Variants in SLC24A4 observed in about 807,000 individuals in gnomAD.
SLC24A4 encodes the protein solute carrier family 24 member 4.
Under a neutral mutation model 79.0 loss-of-function variants are expected in SLC24A4, and 53 were observed. The ratio of observed to expected loss-of-function variants is 0.67; its 90% CI spans 0.54 to 0.84. The LOEUF (loss-of-function observed/expected upper bound fraction) is 0.84. Ranked by LOEUF, SLC24A4 falls within the 40% of genes least tolerant of loss-of-function variation. The pLI is 0.00. For missense variants in SLC24A4, 731 were observed against 822.0 expected (o/e 0.89, Z 1.35); for synonymous variants, 323 against 323.8 (o/e 1.00, Z 0.03).
At chr14:92,341,850 G>A (rs1256305046) in intron 2 of SLC24A4, among the ~76,000 whole-genome samples, 1 of 152,216 alleles carries the variant, frequency 6.6e-6, no homozygotes, top group African/African-American at 2.4e-5. Flanking sequence ...TAATTTCTGA[G>A]TGATTCTTCT....
At chr14:92,350,366 A>G (rs1390150473) in intron 2 of SLC24A4, among the ~76,000 whole-genome samples, 8 of 152,224 alleles carry the variant, frequency 5.3e-5, no homozygotes, top group African/African-American at 1.9e-4. Flanking sequence ...ATTTCTGACT[A>G]CATTTGCAGG....
At position 92,446,169 on chromosome 14, in the gene SLC24A4, A is replaced by G. The variant is rs946872141; in HGVS notation, c.683+827A>G. The stretch of plus-strand genomic sequence containing the variant: ...TGCCAACGATTCAGAATCTGCGTGC[A>G]TTCTATGTTTTTTTTTTTTTGAGAC... On this transcript the variant is annotated intron_variant, in intron 8 of 16. Transcript: ENST00000532405. Among the ~76,000 whole-genome samples the G allele has an allele frequency of 2.5e-4, 23 of 92,840 alleles. 1 individual carries two copies. The highest frequency in any genetic ancestry group is 5.4e-3 in the Middle Eastern group (1 of 186). The allele number at this position is 92,840 out of a possible 152,430, so 60.9% of individuals were successfully genotyped here.
chr14:92,482,620 G>A (rs1895120450), intron 12 of SLC24A4, 60 bp from the exon 13 acceptor site: 9 of 1,465,776 alleles, frequency 6.1e-6, no homozygotes, highest in Non-Finnish European at 8.3e-6. Context: ...AGACTGGCAG[G>A]TGTGTTACCC....
chr14:92,347,834 G>A (rs1178180007), intron 2 of SLC24A4, among the ~76,000 whole-genome samples: 1 of 152,146 alleles, frequency 6.6e-6, no homozygotes. Context: ...GGCTGAGGCA[G>A]AGAATTGCTT....
chr14:92,447,993 AG>A (rs1892899033), intron 9 of SLC24A4, among the ~76,000 whole-genome samples: 1 of 152,210 alleles, frequency 6.6e-6, no homozygotes, highest in Non-Finnish European at 1.5e-5. Context: ...AGCCAGAAAA[AG>A]GAATAACGTT....
intron 2 of SLC24A4, among the ~76,000 whole-genome samples, chr14:92,369,902 G>A (rs1888056650): frequency 6.6e-6 from 1 of 152,264 alleles, no homozygotes; most frequent in Non-Finnish European, 1.5e-5. Context: ...CATTGGTACA[G>A]AGGAGAATAT....
intron 12 of SLC24A4, among the ~76,000 whole-genome samples, chr14:92,467,153 G>A (rs1298110135): frequency 2.3e-4 from 35 of 152,198 alleles, no homozygotes; most frequent in Admixed American, 2.2e-3. Flanking sequence ...GAGATTTTGG[G>A]TAGTTCATTA....
intron 2 of SLC24A4, among the ~76,000 whole-genome samples, chr14:92,418,484 A>G (rs141009011): frequency 9.3e-4 from 141 of 152,264 alleles, no homozygotes; most frequent in African/African-American, 3.2e-3. Flanking sequence ...TCCTGTATCT[A>G]TCCTATATGT....
At chr14:92,421,237 A>G (rs921059062) in intron 2 of SLC24A4, among the ~76,000 whole-genome samples, 6 of 152,212 alleles carry the variant, frequency 3.9e-5, no homozygotes, top group African/African-American at 9.7e-5. Flanking sequence ...AGAGTGTGTC[A>G]GACATTCAGT....
At chr14:92,484,175 C>A (rs55803007) in intron 13 of SLC24A4, 13,725 of 985,344 alleles carry the variant, frequency 0.014, 113 homozygotes, top group Middle Eastern at 0.016. Context: ...ATCACGCCTT[C>A]CCCCATCTCT....
intron 12 of SLC24A4, among the ~76,000 whole-genome samples, chr14:92,474,949 TG>T (rs1443776507): frequency 6.7e-6 from 1 of 149,400 alleles, no homozygotes; most frequent in Non-Finnish European, 1.5e-5. Flanking sequence ...CCACCCACCT[TG>T]GCCTCCCAAA....
At chr14:92,336,601 G>A (rs558846268) in intron 2 of SLC24A4, among the ~76,000 whole-genome samples, 30 of 152,296 alleles carry the variant, frequency 2.0e-4, no homozygotes, top group African/African-American at 5.3e-4. Flanking sequence ...CTTCTTAAAT[G>A]TCCACACACC....
At chr14:92,348,654 AT>A (rs929241621) in intron 2 of SLC24A4, among the ~76,000 whole-genome samples, 8 of 151,102 alleles carry the variant, frequency 5.3e-5, no homozygotes, top group African/African-American at 7.3e-5. Flanking sequence ...TTCTGGGATA[AT>A]TTTTTTTTTC....
chr14:92,346,095 C>T (rs1337796776), intron 2 of SLC24A4, among the ~76,000 whole-genome samples: 4 of 151,960 alleles, frequency 2.6e-5, no homozygotes, highest in Admixed American at 6.6e-5. Flanking sequence ...CAGGAAGCGC[C>T]GGGGCCCTGA....
chr14:92,344,037 G>T (rs1451698920), intron 2 of SLC24A4, among the ~76,000 whole-genome samples: 5 of 152,150 alleles, frequency 3.3e-5, no homozygotes, highest in Admixed American at 3.3e-4. Context: ...TTATGTTATT[G>T]TTTGCATTTA....
intron 13 of SLC24A4, chr14:92,483,791 C>T: frequency 2.3e-6 from 3 of 1,290,060 alleles, no homozygotes; most frequent in Non-Finnish European, 3.0e-6. Flanking sequence ...AACTCACTCT[C>T]AGCCCCTTAC....
Position 92,442,075 on chromosome 14 carries a change from C to A in SLC24A4, c.394-14C>A. The A allele has an allele frequency of 1.9e-6, 3 of 1,610,752 alleles. No individual in the cohort carries two copies. Among genetic ancestry groups the A allele is most frequent in the South Asian group, 2.2e-5 (2 of 90,858 alleles). On this transcript the variant is annotated splice_polypyrimidine_tract_variant and intron_variant, in intron 4 of 16. Coordinates refer to ENST00000532405, the MANE Select transcript of SLC24A4 (RefSeq NM_153646.4). ...ACGTCACACCCTGAGGGTCTGTGGT[C>A]ACTTCCGTTTCAGAGACTCCATCTG...
At chr14:92,351,379 GT>G (rs1487506845) in intron 2 of SLC24A4, among the ~76,000 whole-genome samples, 2 of 152,074 alleles carry the variant, frequency 1.3e-5, no homozygotes, top group African/African-American at 4.8e-5. Flanking sequence ...CCCTGGGATT[GT>G]TTTTTTAAAA....
Position 92,462,971 on chromosome 14 carries a change from G to C in SLC24A4, c.1255+6363G>C, listed in dbSNP as rs544341660. The stretch of plus-strand genomic sequence containing the variant: ...GCTCGTAAGGGAATTGGTTTCCTCC[G>C]TCTGGGATGCTAGTCTTCTAGTGTG... On this transcript the variant is annotated intron_variant, in intron 12 of 16. Transcript: ENST00000532405. Among the ~76,000 whole-genome samples the C allele has an allele frequency of 2.4e-4, 37 of 152,282 alleles. No homozygotes were observed. The South Asian group carries it at 7.3e-3, about 30-fold the overall frequency.
Sources: allele counts gnomAD v4.1 joint callset (sites outside exome capture counted in the v4.1 genomes callset), GRCh38; gene constraint gnomAD v4.1.1; transcripts MANE v1.5; gene names NCBI Gene and HGNC (gene_info 2026-07-23, HGNC 2026-07-21).